Variants in CSMD3 observed in about 807,000 individuals in gnomAD.
CSMD3 encodes the protein CUB and Sushi multiple domains 3.
A neutral mutation model predicts 435.2 loss-of-function variants in CSMD3; 177 were observed. That is an observed-to-expected ratio of 0.41 (90% CI 0.36 to 0.46). The LOEUF (loss-of-function observed/expected upper bound fraction) is 0.46, where lower values mean the gene tolerates loss of function less well. Among genes scored for constraint, CSMD3 ranks in the 20% least tolerant of loss-of-function variants. The probability of loss-of-function intolerance (pLI) is 0.34; values close to 1 mark genes in which losing one functional copy is unlikely to be tolerated. For synonymous variants in CSMD3, 1,656 were observed against 1,520.5 expected (o/e 1.09, Z -2.07); for missense variants, 4,265 against 4,504.6 (o/e 0.95, Z 1.52).
At chr8:113,267,557 T>C (rs575490714) in intron 3 of CSMD3, among the ~76,000 whole-genome samples, 1 of 151,396 alleles carries the variant, frequency 6.6e-6, no homozygotes, top group Admixed American at 6.6e-5. Context: ...TCAAATGAGG[T>C]AGATGGTGGG....
At chr8:112,626,550 A>G (rs1402412962) in intron 22 of CSMD3, among the ~76,000 whole-genome samples, 1 of 152,116 alleles carries the variant, frequency 6.6e-6, no homozygotes, top group Non-Finnish European at 1.5e-5. Context: ...TTATTTTTAA[A>G]AAATGGAATT....
At chr8:112,732,943 T>G (rs907413397) in intron 13 of CSMD3, among the ~76,000 whole-genome samples, 2 of 152,140 alleles carry the variant, frequency 1.3e-5, no homozygotes, top group Admixed American at 6.6e-5. Flanking sequence ...AAATGCAATA[T>G]GAAAAGTAAA....
intron 13 of CSMD3, among the ~76,000 whole-genome samples, chr8:112,762,910 G>GGT (rs1220956567): frequency 6.6e-6 from 1 of 151,646 alleles, no homozygotes. Flanking sequence ...TCTTAGCGAT[G>GGT]GTGTGTTGGG....
At chr8:112,922,724 T>C (rs1222856545) in intron 9 of CSMD3, among the ~76,000 whole-genome samples, 2 of 152,086 alleles carry the variant, frequency 1.3e-5, no homozygotes, top group Non-Finnish European at 2.9e-5. Flanking sequence ...TATGGCTAAA[T>C]AGTCCCTTAA....
chr8:113,222,018 C>T (rs1027554176), intron 3 of CSMD3, among the ~76,000 whole-genome samples: 1 of 61,874 alleles, frequency 1.6e-5, no homozygotes, highest in African/African-American at 1.1e-4. Flanking sequence ...GCAGTAAATG[C>T]TTTGAAGGTT....
intron 3 of CSMD3, among the ~76,000 whole-genome samples, chr8:113,218,265 G>A (rs541935219): frequency 6.6e-6 from 1 of 150,692 alleles, no homozygotes; most frequent in South Asian, 2.1e-4. Flanking sequence ...TGTAAACTCA[G>A]ATGTAACTGA....
chr8:113,196,037 T>C (rs2092651495), intron 3 of CSMD3, among the ~76,000 whole-genome samples: 1 of 150,754 alleles, frequency 6.6e-6, no homozygotes, highest in Admixed American at 6.7e-5. Context: ...GAAATGTCAT[T>C]CTCTAATAAA....
intron 24 of CSMD3, among the ~76,000 whole-genome samples, chr8:112,567,413 C>G (rs1354086372): frequency 1.3e-5 from 2 of 152,042 alleles, no homozygotes; most frequent in African/African-American, 4.8e-5. Flanking sequence ...TGTCTTGCCC[C>G]ACTAAAAAGT....
chr8:113,420,359 GC>G (rs1264921274), intron 1 of CSMD3, among the ~76,000 whole-genome samples: 1 of 151,942 alleles, frequency 6.6e-6, no homozygotes, highest in Non-Finnish European at 1.5e-5. Context: ...TTTTCAACAT[GC>G]TGAATTAATA....
chr8:113,042,422 T>G (rs2087661275), intron 5 of CSMD3, among the ~76,000 whole-genome samples: 2 of 152,172 alleles, frequency 1.3e-5, no homozygotes, highest in South Asian at 4.1e-4. Context: ...TTAAATAGTT[T>G]TCTTTACAGT....
Position 112,224,733 on chromosome 8 carries a change from C to T in CSMD3, c.*38G>A, listed in dbSNP as rs1238735906. ...ACTAAATGTGCACTGTTTTGTGTGT[C>T]GATTTCCAAGCTTCTGAAGAAGGCA... is the stretch of plus-strand genomic sequence containing the variant. On this transcript the variant is annotated 3_prime_UTR_variant, in exon 71 of 71. Coordinates refer to ENST00000297405, the MANE Select transcript of CSMD3 (RefSeq NM_198123.2). 67 of 1,609,994 alleles carry T rather than the reference C, an allele frequency of 4.2e-5. No homozygotes were observed. Among genetic ancestry groups the T allele is most frequent in the East Asian group, 4.5e-5 (2 of 44,850 alleles).
At chr8:112,796,413 T>G (rs2078830042) in intron 13 of CSMD3, among the ~76,000 whole-genome samples, 1 of 152,068 alleles carries the variant, frequency 6.6e-6, no homozygotes, top group South Asian at 2.1e-4. Context: ...TAGTCAGTTT[T>G]CTCATCTGTA....
At chr8:112,458,512 T>C (rs922161276) in intron 32 of CSMD3, among the ~76,000 whole-genome samples, 1 of 152,120 alleles carries the variant, frequency 6.6e-6, no homozygotes, top group African/African-American at 2.4e-5. Context: ...CACTACTTCC[T>C]GGTATCCTTA....
chr8:113,036,240 G>A (rs559570818), intron 5 of CSMD3, among the ~76,000 whole-genome samples: 9 of 152,084 alleles, frequency 5.9e-5, no homozygotes, highest in African/African-American at 1.9e-4. Flanking sequence ...TGTTGAACAT[G>A]AAATAAATGA....
intron 3 of CSMD3, among the ~76,000 whole-genome samples, chr8:113,241,748 G>A (rs1192947698): frequency 1.3e-5 from 2 of 151,766 alleles, no homozygotes; most frequent in Non-Finnish European, 2.9e-5. Context: ...AAATTCCAAG[G>A]AATGAAATGT....
At chr8:112,896,463 T>C (rs1228456420) in intron 10 of CSMD3, among the ~76,000 whole-genome samples, 2 of 151,462 alleles carry the variant, frequency 1.3e-5, no homozygotes, top group Non-Finnish European at 3.0e-5. Context: ...TACATAGCCA[T>C]AGATAATTGG....
chr8:112,597,026 C>T (rs2131395060), intron 22 of CSMD3, among the ~76,000 whole-genome samples: 1 of 152,178 alleles, frequency 6.6e-6, no homozygotes, highest in Admixed American at 6.5e-5. Flanking sequence ...CAGAGCACAA[C>T]TGAAGGAAAT....
intron 32 of CSMD3, among the ~76,000 whole-genome samples, chr8:112,427,820 C>T (rs1813238437): frequency 6.6e-6 from 1 of 152,158 alleles, no homozygotes; most frequent in Admixed American, 6.6e-5. Flanking sequence ...ACCACATTCT[C>T]ATGATTCCCT....
At chr8:112,935,399 A>G (rs890705740) in intron 9 of CSMD3, among the ~76,000 whole-genome samples, 7 of 152,054 alleles carry the variant, frequency 4.6e-5, no homozygotes, top group African/African-American at 1.7e-4. Flanking sequence ...TTTCATGTGA[A>G]TTTTAAGGTT....
Sources: gnomAD v4.1 joint callset for allele counts (sites outside exome capture counted in the v4.1 genomes callset) on GRCh38, gnomAD v4.1.1 for gene constraint, MANE v1.5 for transcripts, NCBI Gene and HGNC (gene_info 2026-07-23, HGNC 2026-07-21) for gene names.